The following SLIT2 variants were observed in gnomAD, a reference collection of about 807,000 sequenced individuals.
The protein encoded by SLIT2 is slit homolog 2 protein.
SLIT2 carries 41 observed loss-of-function variants against 185.7 expected under a neutral mutation model. The observed-to-expected ratio is 0.22, with a 90% confidence interval of 0.17 to 0.29. The LOEUF (loss-of-function observed/expected upper bound fraction) is 0.29. Among genes scored for constraint, SLIT2 ranks in the 10% least tolerant of loss-of-function variants. The pLI is 1.00. For synonymous variants in SLIT2, 693 were observed against 680.2 expected (o/e 1.02, Z -0.29); for missense variants, 1,571 against 1,909.0 (o/e 0.82, Z 3.30).
At chr4:20,510,948 G>A (rs531463634) in intron 10 of SLIT2, 118 bp from the exon 11 acceptor site, 28 of 606,188 alleles carry the variant, frequency 4.6e-5, no homozygotes, top group African/African-American at 4.0e-4. Context: ...AATGTTGCAC[G>A]TTTTGGACAT....
intron 4 of SLIT2, among the ~76,000 whole-genome samples, chr4:20,331,499 T>C (rs555006917): frequency 1.3e-4 from 20 of 151,788 alleles, no homozygotes; most frequent in Non-Finnish European, 2.8e-4. Flanking sequence ...AAATAGTAAT[T>C]ACAGATAATT....
chr4:20,610,298 G>A (rs1034970001), intron 34 of SLIT2, 131 bp downstream of exon 34: 1 of 723,632 alleles, frequency 1.4e-6, no homozygotes, highest in East Asian at 3.0e-5. Flanking sequence ...TTGAAAGATG[G>A]ATGGCAAAGA....
intron 29 of SLIT2, among the ~76,000 whole-genome samples, chr4:20,573,456 G>A (rs954258366): frequency 1.3e-5 from 2 of 152,162 alleles, no homozygotes; most frequent in Admixed American, 6.5e-5. Context: ...ATGGGCCTCT[G>A]AAATGCAATT....
intron 7 of SLIT2, 67 bp downstream of exon 7, chr4:20,486,338 C>A: frequency 2.1e-6 from 2 of 946,502 alleles, no homozygotes; most frequent in Non-Finnish European, 3.4e-6. Context: ...ATAGCATGTT[C>A]AGTAAGCAAA....
chr4:20,481,989 A>G (rs74417843), intron 6 of SLIT2, among the ~76,000 whole-genome samples: 218 of 152,170 alleles, frequency 1.4e-3, no homozygotes, highest in African/African-American at 5.0e-3. Context: ...AAAAATATTC[A>G]AAGTGCTTAT....
At chr4:20,408,172 C>G (rs1726918456) in intron 4 of SLIT2, among the ~76,000 whole-genome samples, 1 of 152,148 alleles carries the variant, frequency 6.6e-6, no homozygotes, top group Admixed American at 6.5e-5. Flanking sequence ...GCTTATTAAA[C>G]AGTTTTTTCA....
chr4:20,567,610 A>G lies in SLIT2; in HGVS notation c.2943A>G (p.Gly981=), dbSNP rs768349710. The change falls in exon 28 of 37, where the codon GGA becomes GGG. Residue 981 remains glycine (G), a synonymous_variant. Transcript: ENST00000504154. Reference sequence around the variant, plus strand: ...ACTTAAAGGAAGGAGAAGAAGATGGATTCTGGTAGGTCATTAGTCTATGAC... The same window carrying G: ...ACTTAAAGGAAGGAGAAGAAGATGGGTTCTGGTAGGTCATTAGTCTATGAC... ...TCHLKEGEED[G]FWCICADGFE... 6.2e-7 allele frequency: 1 copy of G among 1,610,276 alleles called. No individual in the cohort carries two copies. Among genetic ancestry groups the G allele is most frequent in the South Asian group, 1.1e-5 (1 of 90,994 alleles).
At chr4:20,445,265 A>G (rs757023940) in intron 4 of SLIT2, among the ~76,000 whole-genome samples, 1 of 152,184 alleles carries the variant, frequency 6.6e-6, no homozygotes, top group Non-Finnish European at 1.5e-5. Flanking sequence ...TTTTATATTA[A>G]TGTGTTACCT....
At chr4:20,365,448 A>C (rs955025481) in intron 4 of SLIT2, among the ~76,000 whole-genome samples, 1 of 151,076 alleles carries the variant, frequency 6.6e-6, no homozygotes, top group Non-Finnish European at 1.5e-5. Context: ...CGCACCTTCA[A>C]CTCTCTGCCA....
chr4:20,612,997 A>G (rs1439212269), intron 34 of SLIT2, among the ~76,000 whole-genome samples: 3 of 152,142 alleles, frequency 2.0e-5, no homozygotes, highest in Non-Finnish European at 4.4e-5. Context: ...AAAAAGTCAA[A>G]AAATAACAGC....
At chr4:20,368,751 G>A (rs1390233987) in intron 4 of SLIT2, among the ~76,000 whole-genome samples, 1 of 152,062 alleles carries the variant, frequency 6.6e-6, no homozygotes. Flanking sequence ...GAGGAATTAA[G>A]GCAACCTCTA....
rs1727947952 is a variant in SLIT2, at chr4:20,595,958, AAC to A, written c.3320+128_3320+129del. The A allele has an allele frequency of 7.3e-6, 6 of 821,642 alleles. No homozygotes were observed. In the East Asian group the frequency reaches 1.6e-4, roughly 22 times the overall value. The allele number at this position is 821,642 out of a possible 1,614,324, so 50.9% of individuals were successfully genotyped here. Reference sequence around the variant, plus strand: ...AAAAGAGTATAACTGGATTGTTTGTAACACAAGGATAAATACTTGAGGGGATG... The same window carrying A: ...AAAAGAGTATAACTGGATTGTTTGTAACAAGGATAAATACTTGAGGGGATG... On this transcript the variant is annotated intron_variant, in intron 31 of 36. Coordinates refer to ENST00000504154, the MANE Select transcript of SLIT2 (RefSeq NM_004787.4).
chr4:20,562,331 G>A (rs1173146913), intron 26 of SLIT2, among the ~76,000 whole-genome samples: 1 of 151,630 alleles, frequency 6.6e-6, no homozygotes, highest in Admixed American at 6.6e-5. Flanking sequence ...ATGTAGACAT[G>A]TAGCATTCTA....
At chr4:20,558,960 A>G (rs1309816582) in intron 26 of SLIT2, among the ~76,000 whole-genome samples, 2 of 151,958 alleles carry the variant, frequency 1.3e-5, no homozygotes, top group Admixed American at 1.3e-4. Flanking sequence ...AGTGGCTACC[A>G]TAGTGGATAG....
intron 4 of SLIT2, among the ~76,000 whole-genome samples, chr4:20,401,447 G>T (rs1260171545): frequency 6.6e-6 from 1 of 151,854 alleles, no homozygotes; most frequent in Non-Finnish European, 1.5e-5. Context: ...TTTGGTGAAT[G>T]ATATTTTGCA....
chr4:20,413,694 T>G (rs1041200199), intron 4 of SLIT2, among the ~76,000 whole-genome samples: 1 of 152,226 alleles, frequency 6.6e-6, no homozygotes, highest in Admixed American at 6.5e-5. Context: ...GAAATATACT[T>G]CTTTTTCTAT....
intron 3 of SLIT2, among the ~76,000 whole-genome samples, chr4:20,267,558 C>CA (rs142689296): frequency 6.6e-6 from 1 of 151,196 alleles, no homozygotes; most frequent in Non-Finnish European, 1.5e-5. Flanking sequence ...TATCATTTTC[C>CA]AAAAAAAATT....
chr4:20,606,917 A>G (rs1311565457), intron 33 of SLIT2, among the ~76,000 whole-genome samples: 1 of 152,198 alleles, frequency 6.6e-6, no homozygotes, highest in African/African-American at 2.4e-5. Context: ...AACACACGCC[A>G]TTTGTCTAGG....
chr4:20,264,086 C>A (rs538599414), intron 3 of SLIT2, among the ~76,000 whole-genome samples: 1 of 151,856 alleles, frequency 6.6e-6, no homozygotes, highest in Admixed American at 6.6e-5. Flanking sequence ...AAAGAGGGAG[C>A]AATATTTTGC....
Sources: allele counts gnomAD v4.1 joint callset (sites outside exome capture counted in the v4.1 genomes callset), GRCh38; gene constraint gnomAD v4.1.1; transcripts MANE v1.5; gene names NCBI Gene and HGNC (gene_info 2026-07-23, HGNC 2026-07-21).